SH3TC1: variants seen among roughly 807,000 people sequenced by gnomAD.
SH3TC1 encodes the protein SH3 domain and tetratricopeptide repeat-containing protein 1.
SH3TC1 carries 135 observed loss-of-function variants against 117.3 expected under a neutral mutation model. That is an observed-to-expected ratio of 1.15 (90% CI 1.00 to 1.33). The LOEUF (loss-of-function observed/expected upper bound fraction) is 1.33. Ranked by LOEUF, SH3TC1 falls within the 40% of genes most tolerant of loss-of-function variation. SH3TC1 has a pLI of 0.00. For synonymous variants in SH3TC1, 898 were observed against 816.9 expected (o/e 1.10, Z -1.69); for missense variants, 2,092 against 1,794.3 (o/e 1.17, Z -3.00).
chr4:8,197,512 G>A (rs1717594596), upstream of SH3TC1, among the ~76,000 whole-genome samples: 1 of 152,232 alleles, frequency 6.6e-6, no homozygotes, highest in South Asian at 2.1e-4. Flanking sequence ...CGGCCCCTCT[G>A]CCTGTGGGTC....
At chr4:8,198,063 G>C (rs975940002), upstream of SH3TC1, among the ~76,000 whole-genome samples, 5 of 152,090 alleles carry the variant, frequency 3.3e-5, no homozygotes, top group South Asian at 2.1e-4. Flanking sequence ...AGTGGGTGGA[G>C]GCCAGGGACC....
rs776146928 is a variant in SH3TC1 at position 8,209,119 on chromosome 4, G to A, written c.173-629G>A. 7.9e-5 allele frequency among the ~76,000 whole-genome samples: 12 copies of A among 152,204 alleles called. No individual in the cohort carries two copies. The highest frequency in any genetic ancestry group is 1.9e-4 in the East Asian group (1 of 5,196). ...CTGCACAAGCTGTGAGGCTGAGCCC[G>A]TCTGTGGGCTCAGATAAAGTCCTCC... On this transcript the variant is annotated intron_variant, in intron 2 of 17. Coordinates refer to ENST00000245105, the MANE Select transcript of SH3TC1 (RefSeq NM_018986.5). This position sits in a 1 kb window ranked among gnomAD's most constrained non-coding sequence, Gnocchi z 5.9.
At chr4:8,232,947 G>A (rs969651816) in intron 13 of SH3TC1, 2 of 1,192,784 alleles carry the variant, frequency 1.7e-6, no homozygotes, top group African/African-American at 3.2e-5. Context: ...CAGGCCCGTG[G>A]AGCCAGAAGC....
intron 1 of SH3TC1, among the ~76,000 whole-genome samples, chr4:8,182,528 G>A (rs1717106514): frequency 2.0e-5 from 3 of 152,186 alleles, no homozygotes; most frequent in Admixed American, 6.5e-5. Flanking sequence ...GGATCCCGAC[G>A]ACTGGGCGGG....
chr4:8,227,877 G>T lies in SH3TC1; in HGVS notation c.2183G>T (p.Ser728Ile). Reference sequence around the variant, plus strand: ...AAGTGCCTGCCCCACCTGGTGCTGAGCTGTGTCAAGGTGGCCTCATTGCGG... The same window carrying T: ...AAGTGCCTGCCCCACCTGGTGCTGATCTGTGTCAAGGTGGCCTCATTGCGG... ...SRKCLPHLVL[S>I]CVKVASLRTR... Residue 728 changes from serine to isoleucine, a missense_variant, in exon 12 of 18, where the codon AGC (serine) becomes ATC (isoleucine). Ser to Ile is a moderately radical substitution (Grantham distance 142, BLOSUM62 -2). Transcript: ENST00000245105. 3 of 1,612,840 alleles carry T rather than the reference G, an allele frequency of 1.9e-6. No homozygotes were observed. The highest frequency in any genetic ancestry group is 2.5e-6 in the Non-Finnish European group (3 of 1,179,984).
intron 1 of SH3TC1, among the ~76,000 whole-genome samples, chr4:8,203,044 C>T (rs1717942138): frequency 6.6e-6 from 1 of 152,214 alleles, no homozygotes; most frequent in Non-Finnish European, 1.5e-5. Flanking sequence ...GACACCCACT[C>T]GTCCCTGTCT....
intron 9 of SH3TC1, 25 bp from the exon 10 acceptor site, chr4:8,222,815 G>A: frequency 6.2e-7 from 1 of 1,604,066 alleles, no homozygotes; most frequent in Middle Eastern, 1.7e-4. Context: ...ATGTTGTTTT[G>A]AATAAAGCAC....
chr4:8,215,774 T>C (rs1042559713), intron 5 of SH3TC1, among the ~76,000 whole-genome samples: 7 of 152,182 alleles, frequency 4.6e-5, no homozygotes, highest in African/African-American at 1.7e-4. Flanking sequence ...AGACCCACCT[T>C]GCTGCTGGCC....
chr4:8,187,552 T>C (rs1717264988), intron 1 of SH3TC1, among the ~76,000 whole-genome samples: 1 of 151,406 alleles, frequency 6.6e-6, no homozygotes, highest in Admixed American at 6.6e-5. Context: ...TTCTTTTCTT[T>C]TCTTTTTTTT....
At chr4:8,215,938 C>T (rs955720592) in intron 5 of SH3TC1, among the ~76,000 whole-genome samples, 173 bp from the exon 6 acceptor site, 5 of 20,316 alleles carry the variant, frequency 2.5e-4, no homozygotes, top group East Asian at 5.1e-3. Context: ...GTGGTCAGGC[C>T]GTGGGCTGCT....
intron 1 of SH3TC1, among the ~76,000 whole-genome samples, chr4:8,184,365 C>T (rs139903676): frequency 1.6e-3 from 236 of 152,256 alleles, no homozygotes; most frequent in African/African-American, 5.4e-3. Flanking sequence ...TGACCCATAC[C>T]CCTGTGGGAG....
chr4:8,237,254 G>A (rs867442984), intron 16 of SH3TC1: 10 of 474,468 alleles, frequency 2.1e-5, no homozygotes, highest in Middle Eastern at 5.3e-4. Context: ...ACAGAGCTGG[G>A]CCATCCAAGT....
Position 8,233,489 on chromosome 4 carries a change from C to T in SH3TC1, c.3258C>T (p.Ser1086=), listed in dbSNP as rs573581730. The change falls in exon 14 of 18, where the codon AGC becomes AGT. Residue 1086 remains serine, a synonymous_variant. Transcript: ENST00000245105. Reference sequence around the variant, plus strand: ...AGATCTATTACATCTTGCGGCAGAGCGAGCTGGTGGACCTCTACATCCAGG... The same window carrying T: ...AGATCTATTACATCTTGCGGCAGAGTGAGCTGGTGGACCTCTACATCCAGG... ...AGKIYYILRQ[S]ELVDLYIQVA... is the part of the protein sequence containing the mutation. 92 of 1,612,114 alleles carry T rather than the reference C, an allele frequency of 5.7e-5. No individual in the cohort carries two copies. The highest frequency in any genetic ancestry group is 1.1e-4 in the African/African-American group (8 of 75,020).
Position 8,227,285 on chromosome 4 carries a change from C to T in SH3TC1, c.1591C>T (p.Arg531Cys), listed in dbSNP as rs777186446. Reference sequence around the variant, plus strand: ...GCTGCCGTGGCTGAGCAGCGTGTTCCGCAGCTTCAGCGACGAGGAGGAGCT... The same window carrying T: ...GCTGCCGTGGCTGAGCAGCGTGTTCTGCAGCTTCAGCGACGAGGAGGAGCT... Reference protein sequence around the residue: ...VALPWLSSVFRSFSDEEELTG... With the variant: ...VALPWLSSVFCSFSDEEELTG... Residue 531 changes from arginine to cysteine, a missense_variant, in exon 12 of 18, where the codon CGC (arginine) becomes TGC (cysteine). By Grantham distance (180) the Arg-to-Cys change is radical (BLOSUM62 -3). Transcript: ENST00000245105. 1.2e-4 allele frequency: 188 copies of T among 1,607,252 alleles called. No individual in the cohort carries two copies. The highest frequency in any genetic ancestry group is 3.4e-4 in the Middle Eastern group (2 of 5,926).
Position 8,200,000 on chromosome 4 carries a change from G to A in SH3TC1, c.-29+595G>A, listed in dbSNP as rs57003797. 5.3e-3 allele frequency among the ~76,000 whole-genome samples: 804 copies of A among 152,334 alleles called. 2 individuals are homozygous for A. Among genetic ancestry groups the A allele is most frequent in the African/African-American group, 0.013 (545 of 41,586 alleles). ...CCTTCAACTGCAGGTGTGCCGGGGC[G>A]TGTGCTCCTGTGTGTGTACACCACT... On this transcript the variant is annotated intron_variant, in intron 1 of 17. Coordinates refer to ENST00000245105, the MANE Select transcript of SH3TC1 (RefSeq NM_018986.5).
chr4:8,225,633 G>T lies in SH3TC1; in HGVS notation c.1285+417G>T, dbSNP rs1238724007. The stretch of plus-strand genomic sequence containing the variant: ...TTAGGTTGCAGGGGCCTCAACTGAG[G>T]TCCCTCAAGGGTCTGCTCCTTCCTG... On this transcript the variant is annotated intron_variant, in intron 11 of 17. Transcript: ENST00000245105. The surrounding 1 kb of genome is among the most constrained non-coding windows in gnomAD (Gnocchi z 5.5). Among the ~76,000 whole-genome samples, 3 of 152,178 alleles carry T rather than the reference G, an allele frequency of 2.0e-5. No homozygotes were observed. The highest frequency in any genetic ancestry group is 4.8e-5 in the African/African-American group (2 of 41,432).
In SH3TC1 at chr4:8,221,588, T is replaced by C. The variant is rs558672466; in HGVS notation, c.1113-1252T>C. Among the ~76,000 whole-genome samples, 3 of 152,352 alleles carry C rather than the reference T, an allele frequency of 2.0e-5. No homozygotes were observed. In the East Asian group the frequency reaches 5.8e-4, roughly 29 times the overall value. ...GACATTTGCTTTATTGCTTTCTCTC[T>C]TTCACTTCTATTTTTTTCTAAACAC... On this transcript the variant is annotated intron_variant, in intron 9 of 17. Transcript: ENST00000245105.
intron 1 of SH3TC1, among the ~76,000 whole-genome samples, chr4:8,202,745 G>C (rs1217508460): frequency 3.3e-5 from 5 of 152,186 alleles, no homozygotes; most frequent in Admixed American, 1.3e-4. Flanking sequence ...TTCCCTGACT[G>C]TGGGATTCCC....
Position 8,236,364 on chromosome 4 carries a change from G to A in SH3TC1, c.3492G>A (p.Thr1164=), listed in dbSNP as rs956674163. 13 of 1,546,884 alleles carry A rather than the reference G, an allele frequency of 8.4e-6. No homozygotes were observed. Among genetic ancestry groups the A allele is most frequent in the East Asian group, 7.4e-5 (3 of 40,720 alleles). The change falls in exon 16 of 18, where the codon ACG becomes ACA. Residue 1164 remains threonine, a synonymous_variant. Transcript: ENST00000245105. ...LCNKLVALLA[T]LEEPQEGLEF... ...ACAAGCTGGTGGCACTGCTGGCCAC[G>A]CTGGAGGAGCCCCAGGAGGGCTTGG...
Sources: allele counts gnomAD v4.1 joint callset (sites outside exome capture counted in the v4.1 genomes callset), GRCh38; gene constraint gnomAD v4.1.1; non-coding constraint Gnocchi (gnomAD v3.1); transcripts MANE v1.5; gene names NCBI Gene and HGNC (gene_info 2026-07-23, HGNC 2026-07-21).